Variants in RNF150 observed in about 807,000 individuals in gnomAD.
The protein encoded by RNF150 is ring finger protein 150.
RNF150 carries 24 observed loss-of-function variants against 39.3 expected under a neutral mutation model. The ratio of observed to expected loss-of-function variants is 0.61; its 90% confidence interval spans 0.44 to 0.86. The LOEUF is 0.86. Among genes scored for constraint, RNF150 ranks in the 40% least tolerant of loss-of-function variants. The probability of loss-of-function intolerance (pLI) is 0.00; values close to 1 mark genes in which losing one functional copy is unlikely to be tolerated. For missense variants in RNF150, 502 were observed against 587.8 expected (o/e 0.85, Z 1.51); for synonymous variants, 255 against 227.3 (o/e 1.12, Z -1.10).
intron 1 of RNF150, among the ~76,000 whole-genome samples, chr4:141,209,352 T>C (rs1031586860): frequency 1.3e-5 from 2 of 152,238 alleles, no homozygotes; most frequent in South Asian, 2.1e-4. Context: ...GTTGTTATAG[T>C]TCACTTTTCA....
At chr4:141,212,039 T>A (rs1293021232) in intron 1 of RNF150, among the ~76,000 whole-genome samples, 3 of 152,188 alleles carry the variant, frequency 2.0e-5, no homozygotes, top group Admixed American at 1.3e-4. Flanking sequence ...TCAATCTGAT[T>A]TAAATGTCTC....
intron 6 of RNF150, among the ~76,000 whole-genome samples, chr4:140,887,104 G>T (rs1729604070): frequency 6.6e-6 from 1 of 152,164 alleles, no homozygotes; most frequent in Non-Finnish European, 1.5e-5. Context: ...ACAGGCAATG[G>T]TATTAGAAAG....
At chr4:141,005,746 G>A (rs1395137094) in intron 1 of RNF150, among the ~76,000 whole-genome samples, 2 of 152,184 alleles carry the variant, frequency 1.3e-5, no homozygotes, top group Non-Finnish European at 2.9e-5. Context: ...TATGACAGAG[G>A]AACACGTTTT....
At chr4:141,165,333 C>T (rs1270983518) in intron 1 of RNF150, among the ~76,000 whole-genome samples, 1 of 152,076 alleles carries the variant, frequency 6.6e-6, no homozygotes, top group Non-Finnish European at 1.5e-5. Flanking sequence ...ACTTGCACTC[C>T]CACGCAATAA....
intron 1 of RNF150, among the ~76,000 whole-genome samples, chr4:141,193,157 G>A (rs575257480): frequency 2.0e-5 from 3 of 152,310 alleles, no homozygotes; most frequent in East Asian, 3.9e-4. Context: ...GTAATGTAAT[G>A]TAAGCTGTAA....
chr4:141,110,003 A>G (rs1181967182), intron 1 of RNF150, among the ~76,000 whole-genome samples: 1 of 152,174 alleles, frequency 6.6e-6, no homozygotes, highest in East Asian at 1.9e-4. Flanking sequence ...AGTTGCCAGG[A>G]TATGAGAGAC....
intron 6 of RNF150, among the ~76,000 whole-genome samples, chr4:140,874,387 A>G (rs530007954): frequency 1.3e-5 from 2 of 152,262 alleles, no homozygotes; most frequent in East Asian, 1.9e-4. Flanking sequence ...TCCATTATCA[A>G]TGTTCCCATG....
intron 1 of RNF150, among the ~76,000 whole-genome samples, chr4:141,047,302 A>G (rs1372309676): frequency 6.6e-6 from 1 of 152,074 alleles, no homozygotes; most frequent in Non-Finnish European, 1.5e-5. Context: ...AACCTTTCCT[A>G]CTGAAGGTAT....
At chr4:140,885,973 G>A (rs1387785447) in intron 6 of RNF150, among the ~76,000 whole-genome samples, 6 of 151,962 alleles carry the variant, frequency 3.9e-5, no homozygotes, top group Non-Finnish European at 5.9e-5. Flanking sequence ...GGTGGATCAC[G>A]AGGTCAGGAG....
intron 1 of RNF150, among the ~76,000 whole-genome samples, chr4:141,047,134 G>A (rs1483813811): frequency 1.3e-5 from 2 of 152,238 alleles, no homozygotes; most frequent in East Asian, 3.9e-4. Context: ...GTGTATGTGT[G>A]AGAGATTGTG....
Position 140,865,543 on chromosome 4 carries a change from T to TC in RNF150, c.*2717_*2718insG, listed in dbSNP as rs1314223968. The TC allele has an allele frequency of 6.8e-6, 1 of 147,288 alleles. No homozygotes were observed. Among genetic ancestry groups the TC allele is most frequent in the East Asian group, 2.1e-4 (1 of 4,694 alleles). The allele number at this position is 147,288 out of a possible 1,614,324, so 9.1% of individuals were successfully genotyped here. A position where few individuals can be genotyped will look rare whatever the true frequency, so the allele number is the denominator to read the frequency against. On this transcript the variant is annotated 3_prime_UTR_variant, in exon 7 of 7. Coordinates refer to ENST00000515673, the MANE Select transcript of RNF150 (RefSeq NM_020724.2). The stretch of plus-strand genomic sequence containing the variant: ...GAAAGAGAAACTTTCTGGTTAAGCT[T>TC]TTTTTTTTTCTTTTTTTTTTTTTTT...
At chr4:141,090,686 G>A (rs1055795548) in intron 1 of RNF150, among the ~76,000 whole-genome samples, 4 of 152,172 alleles carry the variant, frequency 2.6e-5, no homozygotes, top group African/African-American at 9.7e-5. Context: ...GTCTATAAAT[G>A]TAGGGAGTAA....
chr4:140,868,392 A>G lies in RNF150; in HGVS notation c.1199-13T>C. On this transcript the variant is annotated splice_polypyrimidine_tract_variant and intron_variant, in intron 6 of 6. Coordinates refer to ENST00000515673, the MANE Select transcript of RNF150 (RefSeq NM_020724.2). ...GGCTCCTGCTCACCTGGGAGGAGAAAGCAAAGTTCACAGTGAACACCGAGC... is the reference window on the plus strand; with the variant it reads ...GGCTCCTGCTCACCTGGGAGGAGAAGGCAAAGTTCACAGTGAACACCGAGC... 1 of 1,462,588 alleles carries G rather than the reference A, an allele frequency of 6.8e-7. No individual in the cohort carries two copies. Among genetic ancestry groups the G allele is most frequent in the Non-Finnish European group, 9.6e-7 (1 of 1,041,642 alleles). The allele number at this position is 1,462,588 out of a possible 1,614,324, so 90.6% of individuals were successfully genotyped here.
At chr4:141,014,171 C>T (rs1425352434) in intron 1 of RNF150, among the ~76,000 whole-genome samples, 1 of 152,160 alleles carries the variant, frequency 6.6e-6, no homozygotes, top group East Asian at 1.9e-4. Flanking sequence ...AGGATTCCCA[C>T]TCCCCCTTTA....
intron 1 of RNF150, among the ~76,000 whole-genome samples, chr4:141,201,427 C>T (rs1728288093): frequency 6.6e-6 from 1 of 152,148 alleles, no homozygotes; most frequent in Admixed American, 6.6e-5. Flanking sequence ...ATAAGTGATT[C>T]TACACAGACC....
chr4:141,201,734 A>G (rs1728295830), intron 1 of RNF150, among the ~76,000 whole-genome samples: 2 of 151,814 alleles, frequency 1.3e-5, no homozygotes, highest in Admixed American at 1.3e-4. Context: ...CTATATCTCA[A>G]TCTCTGCTTG....
At chr4:140,911,910 T>C (rs1730621986) in intron 5 of RNF150, among the ~76,000 whole-genome samples, 1 of 136,640 alleles carries the variant, frequency 7.3e-6, no homozygotes. Context: ...AACATAAGCC[T>C]AAAGCCAGCT....
chr4:141,010,833 C>T (rs148595529), intron 1 of RNF150, among the ~76,000 whole-genome samples: 1 of 152,006 alleles, frequency 6.6e-6, no homozygotes, highest in Non-Finnish European at 1.5e-5. Flanking sequence ...AGTCTGGGGT[C>T]CTGAGGGAAA....
intron 1 of RNF150, among the ~76,000 whole-genome samples, chr4:141,194,649 T>A (rs978628915): frequency 6.6e-6 from 1 of 152,142 alleles, no homozygotes; most frequent in Non-Finnish European, 1.5e-5. Context: ...CCTCACACAA[T>A]GCTAGAGTAC....
Sources: gnomAD v4.1 joint callset for allele counts (sites outside exome capture counted in the v4.1 genomes callset) on GRCh38, gnomAD v4.1.1 for gene constraint, MANE v1.5 for transcripts, NCBI Gene and HGNC (gene_info 2026-07-23, HGNC 2026-07-21) for gene names.